SMAD2: variants seen among roughly 807,000 people sequenced by gnomAD.
SMAD2 encodes the protein SMAD family member 2.
Under a neutral mutation model 64.4 loss-of-function variants are expected in SMAD2, and 8 were observed. That is an observed-to-expected ratio of 0.12 (90% CI 0.07 to 0.22). The LOEUF (loss-of-function observed/expected upper bound fraction) is 0.22. Ranked by LOEUF, SMAD2 falls within the 10% of genes least tolerant of loss-of-function variation. SMAD2 has a pLI of 1.00. For synonymous variants in SMAD2, 203 were observed against 195.8 expected (o/e 1.04, Z -0.31); for missense variants, 289 against 561.2 (o/e 0.51, Z 4.90).
intron 2 of SMAD2, among the ~76,000 whole-genome samples, chr18:47,894,975 C>T (rs1390042906): frequency 4.6e-5 from 7 of 152,316 alleles, no homozygotes; most frequent in African/African-American, 1.2e-4. Flanking sequence ...ACAGCCACCA[C>T]GCCAGTCCAG....
At chr18:47,856,310 A>G (rs1238328074) in intron 6 of SMAD2, among the ~76,000 whole-genome samples, 1 of 152,200 alleles carries the variant, frequency 6.6e-6, no homozygotes, top group African/African-American at 2.4e-5. Context: ...TGTGTTGTAT[A>G]CTGGAAATTT....
intron 8 of SMAD2, 141 bp from the exon 9 acceptor site, chr18:47,845,941 A>G: frequency 1.4e-6 from 1 of 728,768 alleles, no homozygotes; most frequent in Non-Finnish European, 2.4e-6. Context: ...TCTGAAGTCT[A>G]ACTTTAAATA....
At position 47,814,278 on chromosome 18, in the gene SMAD2, A is replaced by G. The variant is rs1912299399; in HGVS notation, c.*27549T>C. 1 of 152,184 alleles carries G rather than the reference A, an allele frequency of 6.6e-6. No individual in the cohort carries two copies. The highest frequency in any genetic ancestry group is 1.5e-5 in the Non-Finnish European group (1 of 68,030). 9.4% of individuals were successfully genotyped at this position (152,184 alleles called of 1,614,324 possible). A position where few individuals can be genotyped will look rare whatever the true frequency, so the allele number is the denominator to read the frequency against. On this transcript the variant is annotated 3_prime_UTR_variant, in exon 11 of 11. Coordinates refer to ENST00000262160, the MANE Select transcript of SMAD2 (RefSeq NM_005901.6). ...TAGAGTAACAGCACAGTTGCTACTC[A>G]GCTGTGAATCTCAGAGCCTGCCTTT...
At chr18:47,895,494 CAGG>C (rs901406916) in intron 2 of SMAD2, 2 of 152,206 alleles carry the variant, frequency 1.3e-5, no homozygotes, top group African/African-American at 2.4e-5. Context: ...CTTAGGAAGG[CAGG>C]AGTTTTGTGT....
Position 47,832,192 on chromosome 18 carries a change from T to C in SMAD2, c.*9635A>G, listed in dbSNP as rs1913023260. The C allele has an allele frequency of 6.6e-6, 1 of 152,188 alleles. No individual in the cohort carries two copies. 9.4% of individuals were successfully genotyped at this position (152,188 alleles called of 1,614,324 possible). On this transcript the variant is annotated 3_prime_UTR_variant, in exon 11 of 11. Coordinates refer to ENST00000262160, the MANE Select transcript of SMAD2 (RefSeq NM_005901.6). ...ATACTCTTCAGCCATTTGATGAACA[T>C]GTGGAATTATGGATGCTAGGGCCAT... is the stretch of plus-strand genomic sequence containing the variant.
At chr18:47,877,625 G>A (rs2032340551) in intron 2 of SMAD2, among the ~76,000 whole-genome samples, 1 of 152,042 alleles carries the variant, frequency 6.6e-6, no homozygotes, top group South Asian at 2.1e-4. Context: ...TGACTACTTT[G>A]ATTAAACTTA....
chr18:47,884,370 G>A lies in SMAD2; in HGVS notation c.236+12151C>T, dbSNP rs539839743. Among the ~76,000 whole-genome samples, 202 of 152,234 alleles carry A rather than the reference G, an allele frequency of 1.3e-3. 1 individual carries two copies. The highest frequency in any genetic ancestry group is 2.5e-3 in the Non-Finnish European group (171 of 68,020). ...GTCCCCATTTGACAAATGAGGTAAT[G>A]GAAACACAAAGTAACACGTCTAAGG... is the stretch of plus-strand genomic sequence containing the variant. On this transcript the variant is annotated intron_variant, in intron 2 of 10. Coordinates refer to ENST00000262160, the MANE Select transcript of SMAD2 (RefSeq NM_005901.6).
intron 6 of SMAD2, among the ~76,000 whole-genome samples, chr18:47,862,139 CTATT>C (rs1404054076): frequency 6.6e-6 from 1 of 152,090 alleles, no homozygotes; most frequent in Admixed American, 6.6e-5. Flanking sequence ...AATGTATTTT[CTATT>C]TATTTAATCT....
Position 47,815,134 on chromosome 18 carries a change from A to C in SMAD2, c.*26693T>G, listed in dbSNP as rs1912324669. The C allele has an allele frequency of 6.6e-6, 1 of 152,242 alleles. No homozygotes were observed. Among genetic ancestry groups the C allele is most frequent in the African/African-American group, 2.4e-5 (1 of 41,454 alleles). 9.4% of individuals were successfully genotyped at this position (152,242 alleles called of 1,614,324 possible). A position where few individuals can be genotyped will look rare whatever the true frequency, so the allele number is the denominator to read the frequency against. ...CCCACTAGATGCCATCATGAGGAAG[A>C]AGCTAGGAAGAACCTTTGAAAAGCT... On this transcript the variant is annotated 3_prime_UTR_variant, in exon 11 of 11. Coordinates refer to ENST00000262160, the MANE Select transcript of SMAD2 (RefSeq NM_005901.6).
In SMAD2 at chr18:47,824,382, T is replaced by A. The variant is rs755829974; in HGVS notation, c.*17445A>T. ...GGGACATCTGCCTAGAAGCCGATTG[T>A]CCAAACCCGAACTGGCAGCATCCTT... On this transcript the variant is annotated 3_prime_UTR_variant, in exon 11 of 11. Transcript: ENST00000262160. 8.5e-5 allele frequency: 13 copies of A among 152,242 alleles called. No homozygotes were observed. The highest frequency in any genetic ancestry group is 1.5e-4 in the Non-Finnish European group (10 of 68,042). The allele number at this position is 152,242 out of a possible 1,614,324, so 9.4% of individuals were successfully genotyped here.
chr18:47,910,064 G>C (rs1197291018), intron 1 of SMAD2, among the ~76,000 whole-genome samples: 1 of 151,740 alleles, frequency 6.6e-6, no homozygotes, highest in Non-Finnish European at 1.5e-5. Context: ...AAGCCATCAA[G>C]TCCAAAATGA....
intron 1 of SMAD2, among the ~76,000 whole-genome samples, chr18:47,915,759 A>C (rs978236138): frequency 1.3e-5 from 2 of 152,062 alleles, no homozygotes; most frequent in Non-Finnish European, 2.9e-5. Flanking sequence ...CACAATCCCC[A>C]AAAAAACAAC....
Position 47,819,788 on chromosome 18 carries a change from T to G in SMAD2, c.*22039A>C. 1.0e-5 allele frequency: 1 copy of G among 95,780 alleles called. No individual in the cohort carries two copies. Among genetic ancestry groups the G allele is most frequent in the Non-Finnish European group, 1.9e-5 (1 of 51,452 alleles). 5.9% of individuals were successfully genotyped at this position (95,780 alleles called of 1,614,324 possible). On this transcript the variant is annotated 3_prime_UTR_variant, in exon 11 of 11. Transcript: ENST00000262160. ...TCCAGCCTGGGTGACAGAGCGAGAC[T>G]CCGTCTCAAAAAAAAAAAAAAAAAA...
Position 47,831,970 on chromosome 18 carries a change from T to C in SMAD2, c.*9857A>G, listed in dbSNP as rs750388325. 6.6e-6 allele frequency: 1 copy of C among 152,206 alleles called. No homozygotes were observed. The highest frequency in any genetic ancestry group is 1.5e-5 in the Non-Finnish European group (1 of 68,030). 9.4% of individuals were successfully genotyped at this position (152,206 alleles called of 1,614,324 possible). On this transcript the variant is annotated 3_prime_UTR_variant, in exon 11 of 11. Coordinates refer to ENST00000262160, the MANE Select transcript of SMAD2 (RefSeq NM_005901.6). ...TCAAAGGGTAAGCTGGATAACTGTA[T>C]GTTGCAAACATGTTCCTGAACATTC...
intron 1 of SMAD2, among the ~76,000 whole-genome samples, chr18:47,921,313 T>G (rs1393183345): frequency 6.6e-6 from 1 of 152,218 alleles, no homozygotes; most frequent in Non-Finnish European, 1.5e-5. Context: ...CACACAAAAT[T>G]GTTCATAGAT....
Position 47,909,274 on chromosome 18 carries a change from A to C in SMAD2, c.-53-12465T>G, listed in dbSNP as rs186740372. Among the ~76,000 whole-genome samples, 108 of 152,344 alleles carry C rather than the reference A, an allele frequency of 7.1e-4. 1 individual carries two copies. The highest frequency in any genetic ancestry group is 5.9e-3 in the Admixed American group (90 of 15,300). On this transcript the variant is annotated intron_variant, in intron 1 of 10. Transcript: ENST00000262160. ...GCGGAGTCATTATATGACAACTTAAAGCAAAATTAAGGTGAAGGATCTAAA... is the reference window on the plus strand; with the variant it reads ...GCGGAGTCATTATATGACAACTTAACGCAAAATTAAGGTGAAGGATCTAAA...
chr18:47,874,197 T>C (rs1453626200), intron 2 of SMAD2, among the ~76,000 whole-genome samples: 1 of 152,200 alleles, frequency 6.6e-6, no homozygotes, highest in African/African-American at 2.4e-5. Flanking sequence ...GACAAGCTGA[T>C]ATAAAATGTA....
intron 1 of SMAD2, among the ~76,000 whole-genome samples, chr18:47,906,509 A>C (rs1843065357): frequency 1.3e-5 from 2 of 152,248 alleles, no homozygotes; most frequent in Admixed American, 1.3e-4. Context: ...AACTAAAACC[A>C]TAATGCAATA....
chr18:47,869,534 G>C (rs533486284), intron 3 of SMAD2, 98 bp from the exon 4 acceptor site: 1 of 825,154 alleles, frequency 1.2e-6, no homozygotes, highest in East Asian at 2.7e-5. Flanking sequence ...AAAGCATAAA[G>C]AAAAGAATGA....
Sources: gnomAD v4.1 joint callset for allele counts (sites outside exome capture counted in the v4.1 genomes callset) on GRCh38, gnomAD v4.1.1 for gene constraint, MANE v1.5 for transcripts, NCBI Gene and HGNC (gene_info 2026-07-23, HGNC 2026-07-21) for gene names.